The following CDH22 variants were observed in gnomAD, a reference collection of about 807,000 sequenced individuals.
The protein encoded by CDH22 is cadherin 22.
A neutral mutation model predicts 58.4 loss-of-function variants in CDH22; 30 were observed. The observed-to-expected ratio is 0.51, with a 90% CI of 0.38 to 0.70. CDH22 has a LOEUF of 0.70. CDH22 is among the 30% of genes least tolerant of loss of function. CDH22 has a pLI of 0.00. For missense variants in CDH22, 1,014 were observed against 1,233.9 expected (o/e 0.82, Z 2.67); for synonymous variants, 513 against 558.2 (o/e 0.92, Z 1.14).
intron 1 of CDH22, among the ~76,000 whole-genome samples, chr20:46,306,183 C>T (rs2086676408): frequency 6.6e-6 from 1 of 152,254 alleles, no homozygotes; most frequent in South Asian, 2.1e-4. Flanking sequence ...TCTTCTTGTC[C>T]TGCCTGCAGC....
intron 1 of CDH22, among the ~76,000 whole-genome samples, chr20:46,277,566 T>C (rs1163264466): frequency 6.6e-6 from 1 of 151,374 alleles, no homozygotes; most frequent in Admixed American, 6.6e-5. Context: ...GGGGAAGAGA[T>C]GGTGAAGGTG....
rs748954887 is a variant in CDH22 at position 46,178,219 on chromosome 20, C to T, written c.1664-22G>A. ...TTGTCTGTTCCGGAAGAAGGGGGAGCGGTGTGACTTGGGGCCGGGGGTCAG... is the reference window on the plus strand; with the variant it reads ...TTGTCTGTTCCGGAAGAAGGGGGAGTGGTGTGACTTGGGGCCGGGGGTCAG... On this transcript the variant is annotated intron_variant, in intron 10 of 11. Transcript: ENST00000537909. The T allele has an allele frequency of 1.2e-5, 20 of 1,601,706 alleles. 1 individual carries two copies. Among genetic ancestry groups the T allele is most frequent in the South Asian group, 7.8e-5 (7 of 90,314 alleles).
intron 7 of CDH22, among the ~76,000 whole-genome samples, chr20:46,209,351 C>T (rs1418999644): frequency 6.6e-6 from 1 of 152,110 alleles, no homozygotes; most frequent in Non-Finnish European, 1.5e-5. Flanking sequence ...AGTGTGGTTG[C>T]AGCAGAGTGG....
In CDH22 at chr20:46,186,713, G is replaced by A; in HGVS notation, c.1546-8C>T. ...GCTGATGGTCTGGATGAGCTGAAGG[G>A]TGAGGAGGGGATAGAGGGCTAGTGG... On this transcript the variant is annotated splice_polypyrimidine_tract_variant and splice_region_variant and intron_variant, in intron 9 of 11. Transcript: ENST00000537909. The A allele has an allele frequency of 1.9e-6, 3 of 1,612,978 alleles. No individual in the cohort carries two copies. The highest frequency in any genetic ancestry group is 1.7e-4 in the Middle Eastern group (1 of 6,048).
rs61699211 is a variant in CDH22, at chr20:46,177,466, T to G, written c.1915+480A>C. ...TTAGATTCATAGCAGGTGGTGTAGT[T>G]AGAGGAGCAGAGGACACAGGGTGAG... On this transcript the variant is annotated intron_variant, in intron 11 of 11. Transcript: ENST00000537909. Among the ~76,000 whole-genome samples, 337 of 152,188 alleles carry G rather than the reference T, an allele frequency of 2.2e-3. 11 individuals are homozygous for G. In the East Asian group the frequency reaches 0.061, roughly 28 times the overall value.
At chr20:46,225,203 C>T (rs1180047311) in intron 4 of CDH22, among the ~76,000 whole-genome samples, 1 of 152,224 alleles carries the variant, frequency 6.6e-6, no homozygotes, top group African/African-American at 2.4e-5. Flanking sequence ...GACCAAGCTT[C>T]TCCACTTCCT....
chr20:46,201,140 C>T (rs973725414), intron 7 of CDH22, among the ~76,000 whole-genome samples: 7 of 152,248 alleles, frequency 4.6e-5, no homozygotes, highest in African/African-American at 1.4e-4. Context: ...ATGCTGATAA[C>T]GCTGGTGGGG....
chr20:46,302,573 G>A (rs1395858368), intron 1 of CDH22, among the ~76,000 whole-genome samples: 1 of 152,184 alleles, frequency 6.6e-6, no homozygotes, highest in East Asian at 1.9e-4. Context: ...TTCTGGGGAT[G>A]AACCCCGTCC....
chr20:46,290,164 A>G (rs1393736889), intron 1 of CDH22, among the ~76,000 whole-genome samples: 1 of 152,232 alleles, frequency 6.6e-6, no homozygotes, highest in Non-Finnish European at 1.5e-5. Flanking sequence ...AGGTGGCATC[A>G]ACTTGAGGGG....
chr20:46,193,961 C>T lies in CDH22; in HGVS notation c.1423+5462G>A, dbSNP rs867740741. On this transcript the variant is annotated intron_variant, in intron 8 of 11. Transcript: ENST00000537909. The stretch of plus-strand genomic sequence containing the variant: ...TTGAGCCCAGGAGTTGGACACAAGC[C>T]TGGGTAACAGAGTGAGAGCCCCCTC... 7.2e-4 allele frequency among the ~76,000 whole-genome samples: 109 copies of T among 152,182 alleles called. 1 individual carries two copies. Among genetic ancestry groups the T allele is most frequent in the Middle Eastern group, 3.4e-3 (1 of 294 alleles).
intron 10 of CDH22, among the ~76,000 whole-genome samples, chr20:46,181,716 T>TTCCTTCCTTCCTTCCTTCCTTCCTTCC (rs1555800194): frequency 4.5e-5 from 2 of 44,334 alleles, no homozygotes; most frequent in Non-Finnish European, 8.8e-5. Context: ...TCTTTCTTTT[T>TTCCTTCCTTCCTTCCTTCCTTCCTTCC]TTCCTTCCTT....
At chr20:46,180,926 TTGTGTGTGTGTGTGTGTGTGTG>T (rs11471209) in intron 10 of CDH22, among the ~76,000 whole-genome samples, 6 of 142,494 alleles carry the variant, frequency 4.2e-5, no homozygotes, top group Non-Finnish European at 9.1e-5. Context: ...AAAGTTTGTT[TTGTGTGTGTGTGTGTGTGTGTG>T]TGTGTGTGTG....
rs112580120 is a variant in CDH22 at position 46,207,382 on chromosome 20, C to T, written c.1286+2925G>A. On this transcript the variant is annotated intron_variant, in intron 7 of 11. Coordinates refer to ENST00000537909, the MANE Select transcript of CDH22 (RefSeq NM_021248.3). ...GACCTGGGGCCAAGGACTCGCCTCCCGCTCCGTGTTCTTACCTCCCTGGGA... is the reference window on the plus strand; with the variant it reads ...GACCTGGGGCCAAGGACTCGCCTCCTGCTCCGTGTTCTTACCTCCCTGGGA... 1.2e-4 allele frequency among the ~76,000 whole-genome samples: 19 copies of T among 152,188 alleles called. 1 individual carries two copies. The South Asian group carries it at 1.5e-3, about 12-fold the overall frequency.
At chr20:46,262,251 G>T (rs1315409497) in intron 1 of CDH22, among the ~76,000 whole-genome samples, 1 of 151,850 alleles carries the variant, frequency 6.6e-6, no homozygotes, top group African/African-American at 2.4e-5. Flanking sequence ...GTGGGGGCAG[G>T]ATATGCCAAA....
chr20:46,181,752 C>CTTCCTTCTTTCT lies in CDH22; in HGVS notation c.1664-3556_1664-3555insAGAAAGAAGGAA. Among the ~76,000 whole-genome samples the CTTCCTTCTTTCT allele has an allele frequency of 3.9e-3, 102 of 26,258 alleles. 3 individuals carry two copies. Among genetic ancestry groups the CTTCCTTCTTTCT allele is most frequent in the Non-Finnish European group, 4.6e-3 (56 of 12,062 alleles). The allele number at this position is 26,258 out of a possible 152,430, so 17.2% of individuals were successfully genotyped here. A position where few individuals can be genotyped will look rare whatever the true frequency, so the allele number is the denominator to read the frequency against. On this transcript the variant is annotated intron_variant, in intron 10 of 11. Transcript: ENST00000537909. ...CCTTCCTTCCTTCCTTCCTTCCTTC[C>CTTCCTTCTTTCT]TTCTTTCTTTCTTTCTTTCTTTCTT... is the stretch of plus-strand genomic sequence containing the variant.
intron 3 of CDH22, among the ~76,000 whole-genome samples, chr20:46,230,876 C>T (rs1469968029): frequency 6.6e-6 from 1 of 152,176 alleles, no homozygotes; most frequent in Admixed American, 6.5e-5. Flanking sequence ...GACAAGCTCA[C>T]CTGGTGCAGG....
chr20:46,306,062 C>T (rs970971202), intron 1 of CDH22, among the ~76,000 whole-genome samples: 1 of 152,276 alleles, frequency 6.6e-6, no homozygotes. Flanking sequence ...TTGTCCTCTG[C>T]TTCTGCTACT....
intron 1 of CDH22, among the ~76,000 whole-genome samples, chr20:46,282,959 G>C (rs1249973743): frequency 6.6e-6 from 1 of 152,200 alleles, no homozygotes; most frequent in Non-Finnish European, 1.5e-5. Flanking sequence ...GCCAGGTCTA[G>C]GGGAGCCTGG....
At chr20:46,217,283 G>A (rs2086093073) in intron 4 of CDH22, among the ~76,000 whole-genome samples, 1 of 152,022 alleles carries the variant, frequency 6.6e-6, no homozygotes, top group Non-Finnish European at 1.5e-5. Context: ...TGCTCATATG[G>A]ATGCAGATAC....
Sources: allele counts gnomAD v4.1 joint callset (sites outside exome capture counted in the v4.1 genomes callset), GRCh38; gene constraint gnomAD v4.1.1; transcripts MANE v1.5; gene names NCBI Gene and HGNC (gene_info 2026-07-23, HGNC 2026-07-21).